The following KCTD18 variants were observed in gnomAD, a reference collection of about 807,000 sequenced individuals.
KCTD18 encodes potassium channel tetramerization domain containing 18.
A neutral mutation model predicts 30.4 loss-of-function variants in KCTD18; 22 were observed. The ratio of observed to expected loss-of-function variants is 0.72; its 90% CI spans 0.52 to 1.03. The LOEUF is 1.03. Among genes scored for constraint, KCTD18 ranks in the 50% least tolerant of loss-of-function variants. The pLI, the probability that KCTD18 is intolerant of heterozygous loss-of-function variation, is 0.00. For synonymous variants in KCTD18, 186 were observed against 209.0 expected, an observed-to-expected ratio of 0.89 and a Z score of 0.95; for missense variants, 529 against 547.6, an observed-to-expected ratio of 0.97 and a Z score of 0.34.
At chr2:200,498,193 T>C (rs533989681) in intron 4 of KCTD18, among the ~76,000 whole-genome samples, 55 of 152,328 alleles carry the variant, frequency 3.6e-4, no homozygotes, top group African/African-American at 1.2e-3. Context: ...ACCAGCATTA[T>C]GCCAGGCACT....
chr2:200,503,640 G>A (rs932114194), intron 3 of KCTD18, among the ~76,000 whole-genome samples: 6 of 152,244 alleles, frequency 3.9e-5, no homozygotes, highest in Admixed American at 6.5e-5. Flanking sequence ...ACTATCGTTC[G>A]AAAATATAGT....
intron 3 of KCTD18, among the ~76,000 whole-genome samples, chr2:200,501,229 G>A (rs2088079637): frequency 1.3e-5 from 2 of 150,434 alleles, no homozygotes; most frequent in African/African-American, 2.4e-5. Flanking sequence ...GCATGGGCAA[G>A]GACTTCATGT....
intron 6 of KCTD18, among the ~76,000 whole-genome samples, chr2:200,491,335 C>T (rs554965942): frequency 6.6e-6 from 1 of 152,340 alleles, no homozygotes; most frequent in African/African-American, 2.4e-5. Flanking sequence ...CTGGCCCTAA[C>T]CTTCTTGTAC....
intron 6 of KCTD18, among the ~76,000 whole-genome samples, chr2:200,491,254 T>C (rs2087911755): frequency 1.3e-5 from 2 of 152,186 alleles, no homozygotes; most frequent in African/African-American, 4.8e-5. Context: ...TCTCTCACCG[T>C]GTGACATATC....
chr2:200,505,013 T>C, intron 2 of KCTD18, 54 bp from the exon 3 acceptor site: 1 of 1,425,886 alleles, frequency 7.0e-7, no homozygotes, highest in South Asian at 1.2e-5. Flanking sequence ...ATCAATAAGA[T>C]TTCAACAAAT....
chr2:200,499,169 C>G, intron 3 of KCTD18, 85 bp from the exon 4 acceptor site: 1 of 929,134 alleles, frequency 1.1e-6, no homozygotes, highest in South Asian at 1.9e-5. Context: ...CATGTAAAAG[C>G]TGAAATTCTA....
intron 6 of KCTD18, among the ~76,000 whole-genome samples, chr2:200,492,936 C>A (rs956705977): frequency 2.3e-4 from 35 of 152,026 alleles, no homozygotes; most frequent in African/African-American, 8.2e-4. Context: ...TAGAATCACT[C>A]TCTCAATAAG....
intron 3 of KCTD18, among the ~76,000 whole-genome samples, chr2:200,503,003 C>G (rs1023137552): frequency 1.3e-5 from 2 of 149,378 alleles, no homozygotes; most frequent in African/African-American, 2.5e-5. Context: ...GCACTCCAGC[C>G]TGGGCAACAA....
chr2:200,501,276 T>C (rs2088080681), intron 3 of KCTD18, among the ~76,000 whole-genome samples: 1 of 127,484 alleles, frequency 7.8e-6, no homozygotes, highest in Admixed American at 8.8e-5. Flanking sequence ...AAAGCCAAAA[T>C]TGACAAATGG....
Position 200,505,398 on chromosome 2 carries a change from C to T in KCTD18, c.161-439G>A, listed in dbSNP as rs551081771. Among the ~76,000 whole-genome samples, 15 of 152,340 alleles carry T rather than the reference C, an allele frequency of 9.8e-5. No individual in the cohort carries two copies. In the East Asian group the frequency reaches 2.5e-3, roughly 25 times the overall value. On this transcript the variant is annotated intron_variant, in intron 2 of 6. Coordinates refer to ENST00000359878, the MANE Select transcript of KCTD18 (RefSeq NM_152387.4). ...CATGCACCCTGGCATGGAACTGCATCTTCCTGGATAAAAGGGCACCCTTTT... is the reference window on the plus strand; with the variant it reads ...CATGCACCCTGGCATGGAACTGCATTTTCCTGGATAAAAGGGCACCCTTTT...
intron 5 of KCTD18, chr2:200,497,464 T>G: frequency 4.3e-6 from 1 of 230,732 alleles, no homozygotes; most frequent in South Asian, 1.3e-4. Flanking sequence ...TTTGAAGTAT[T>G]TTTCCAATGC....
chr2:200,490,059 C>G lies in KCTD18; in HGVS notation c.*41G>C. ...TTCTTTGCGTCGAATGGGTTGAAAG[C>G]TTTGGGAGATGAACGGGAAATTTCA... On this transcript the variant is annotated 3_prime_UTR_variant, in exon 7 of 7. Coordinates refer to ENST00000359878, the MANE Select transcript of KCTD18 (RefSeq NM_152387.4). 1 of 1,526,896 alleles carries G rather than the reference C, an allele frequency of 6.5e-7. No homozygotes were observed. The highest frequency in any genetic ancestry group is 1.3e-5 in the South Asian group (1 of 78,056). The allele number at this position is 1,526,896 out of a possible 1,614,324, so 94.6% of individuals were successfully genotyped here.
At position 200,507,102 on chromosome 2, in the gene KCTD18, A is replaced by G; in HGVS notation, c.-75-11T>C. ...TGTCTTGGTCTCCCTCTGTAAAACA[A>G]AGGACAGTCATCCCCGCCATTTCCA... On this transcript the variant is annotated splice_polypyrimidine_tract_variant and intron_variant, in intron 1 of 6. Coordinates refer to ENST00000359878, the MANE Select transcript of KCTD18 (RefSeq NM_152387.4). 1 of 1,007,924 alleles carries G rather than the reference A, an allele frequency of 9.9e-7. No homozygotes were observed. Among genetic ancestry groups the G allele is most frequent in the Non-Finnish European group, 1.4e-6 (1 of 694,778 alleles). 62.4% of individuals were successfully genotyped at this position (1,007,924 alleles called of 1,614,324 possible).
chr2:200,497,094 C>T (rs1559183062), intron 5 of KCTD18: 1 of 152,218 alleles, frequency 6.6e-6, no homozygotes, highest in Non-Finnish European at 1.5e-5. Flanking sequence ...ACCTAACAGA[C>T]ACTCAATACA....
chr2:200,504,762 TA>T lies in KCTD18; in HGVS notation c.357del (p.Asn119LysfsTer2). The T allele has an allele frequency of 6.2e-7, 1 of 1,613,222 alleles. No homozygotes were observed. On this transcript the variant is annotated frameshift_variant, in exon 3 of 7. Coordinates refer to ENST00000359878, the MANE Select transcript of KCTD18 (RefSeq NM_152387.4). LOFTEE classifies it high-confidence loss of function. Reference sequence around the variant, plus strand: ...AATGCCAAGACCTTTTTAAGTTCTATATTTGACCTTAAAGAATATGTCTCCA... The same window carrying T: ...AATGCCAAGACCTTTTTAAGTTCTATTTTGACCTTAAAGAATATGTCTCCA... ...NEMETYSLRS[N>X]IELKKALTDF...
In KCTD18 at chr2:200,489,821, T is replaced by G; in HGVS notation, c.*279A>C. ...TCTAGAGATTATTTGTTGTACTGTCTTGTTGCCTTAATACGAATTAATCAT... is the reference window on the plus strand; with the variant it reads ...TCTAGAGATTATTTGTTGTACTGTCGTGTTGCCTTAATACGAATTAATCAT... On this transcript the variant is annotated 3_prime_UTR_variant, in exon 7 of 7. Coordinates refer to ENST00000359878, the MANE Select transcript of KCTD18 (RefSeq NM_152387.4). 1 of 409,264 alleles carries G rather than the reference T, an allele frequency of 2.4e-6. No individual in the cohort carries two copies. The highest frequency in any genetic ancestry group is 4.3e-6 in the Non-Finnish European group (1 of 230,520). 25.4% of individuals were successfully genotyped at this position (409,264 alleles called of 1,614,324 possible). A position where few individuals can be genotyped will look rare whatever the true frequency, so the allele number is the denominator to read the frequency against.
intron 5 of KCTD18, chr2:200,496,407 G>C (rs1391230364): frequency 6.6e-6 from 1 of 152,374 alleles, no homozygotes; most frequent in Non-Finnish European, 1.5e-5. Flanking sequence ...AAGGAAAAAG[G>C]AAGGAAAGTG....
At chr2:200,502,813 C>T (rs1269639472) in intron 3 of KCTD18, among the ~76,000 whole-genome samples, 1 of 152,024 alleles carries the variant, frequency 6.6e-6, no homozygotes, top group African/African-American at 2.4e-5. Flanking sequence ...GGCAGATCAC[C>T]TGAGGTTGGG....
Position 200,490,208 on chromosome 2 carries a change from C to A in KCTD18, c.1173G>T (p.Leu391=), listed in dbSNP as rs781648574. 6 of 1,613,970 alleles carry A rather than the reference C, an allele frequency of 3.7e-6. No homozygotes were observed. The highest frequency in any genetic ancestry group is 4.2e-6 in the Non-Finnish European group (5 of 1,179,910). ...CCTGCCTCGTGGCCGTGGGGGAGGG[C>A]AGGCAAGGCGCGGTGGCGCACAGCG... ...RTPLCATAPC[L]PSPTATRQAN... Residue 391 remains leucine (L), a synonymous_variant, in exon 7 of 7, where the codon CTG becomes CTT. Transcript: ENST00000359878.
Sources: allele counts gnomAD v4.1 joint callset (sites outside exome capture counted in the v4.1 genomes callset), GRCh38; gene constraint gnomAD v4.1.1; transcripts MANE v1.5; gene names NCBI Gene and HGNC (gene_info 2026-07-23, HGNC 2026-07-21).